Variants in SUSD6 observed in about 807,000 individuals in gnomAD.
SUSD6 encodes sushi domain-containing protein 6.
Under a neutral mutation model 28.4 loss-of-function variants are expected in SUSD6, and 16 were observed. The observed-to-expected ratio is 0.56, with a 90% CI of 0.38 to 0.86. The LOEUF is 0.86. SUSD6 is among the 40% of genes least tolerant of loss of function. SUSD6 has a pLI of 0.00. For missense variants in SUSD6, 341 were observed against 384.2 expected (o/e 0.89, Z 0.94); for synonymous variants, 147 against 159.6 (o/e 0.92, Z 0.59).
intron 1 of SUSD6, among the ~76,000 whole-genome samples, chr14:69,628,511 A>C (rs1207935143): frequency 6.6e-6 from 1 of 152,204 alleles, no homozygotes; most frequent in Non-Finnish European, 1.5e-5. Context: ...TATCCCAGAA[A>C]AGAAAGAAGA....
chr14:69,695,357 T>C lies in SUSD6; in HGVS notation c.122-8038T>C, dbSNP rs574839130. On this transcript the variant is annotated intron_variant, in intron 2 of 5. Coordinates refer to ENST00000342745, the MANE Select transcript of SUSD6 (RefSeq NM_014734.4). ...GAATTTCTGCATGGACAGGATGATC[T>C]CTAGCCCCTCACACCTTGTGCTGTA... Among the ~76,000 whole-genome samples, 3 of 152,336 alleles carry C rather than the reference T, an allele frequency of 2.0e-5. No individual in the cohort carries two copies. The East Asian group carries it at 5.8e-4, about 29-fold the overall frequency.
At chr14:69,707,500 G>A (rs542837243) in intron 4 of SUSD6, among the ~76,000 whole-genome samples, 15 of 152,298 alleles carry the variant, frequency 9.8e-5, no homozygotes, top group African/African-American at 2.9e-4. Context: ...AGTGGCTCAC[G>A]CCTGTAATCC....
At chr14:69,666,922 A>G (rs1885750766) in intron 2 of SUSD6, among the ~76,000 whole-genome samples, 1 of 152,206 alleles carries the variant, frequency 6.6e-6, no homozygotes, top group Non-Finnish European at 1.5e-5. Flanking sequence ...ACAGGGCTAT[A>G]AAATAATTCT....
At chr14:69,705,416 G>A (rs1886374443) in intron 4 of SUSD6, among the ~76,000 whole-genome samples, 1 of 152,154 alleles carries the variant, frequency 6.6e-6, no homozygotes. Flanking sequence ...TTCCAGCAGC[G>A]TCAGGATCAT....
chr14:69,708,155 T>G (rs995736810), intron 4 of SUSD6, among the ~76,000 whole-genome samples: 1 of 152,268 alleles, frequency 6.6e-6, no homozygotes, highest in Non-Finnish European at 1.5e-5. Context: ...CACACTTCCC[T>G]GTTTTTTAAC....
intron 1 of SUSD6, among the ~76,000 whole-genome samples, chr14:69,636,265 A>G (rs1885264581): frequency 6.6e-6 from 1 of 152,238 alleles, no homozygotes; most frequent in Admixed American, 6.5e-5. Context: ...TTGAAGGCAT[A>G]GACGGAGGTG....
chr14:69,681,528 TGTG>T lies in SUSD6; in HGVS notation c.122-21862_122-21860del, dbSNP rs1195907629. The stretch of plus-strand genomic sequence containing the variant: ...CGTAAGTGGCCTGCAGTAGGAGGGT[TGTG>T]GTGGGCCAGAGAAGGGGACGGCCCC... On this transcript the variant is annotated intron_variant, in intron 2 of 5. Transcript: ENST00000342745. Among the ~76,000 whole-genome samples the T allele has an allele frequency of 3.3e-5, 5 of 152,238 alleles. No individual in the cohort carries two copies. In the East Asian group the frequency reaches 9.6e-4, roughly 29 times the overall value.
At chr14:69,626,509 G>A (rs980179905) in intron 1 of SUSD6, among the ~76,000 whole-genome samples, 4 of 152,106 alleles carry the variant, frequency 2.6e-5, no homozygotes, top group African/African-American at 9.7e-5. Flanking sequence ...GTTTAATGGT[G>A]GCTGGCAAAC....
intron 4 of SUSD6, among the ~76,000 whole-genome samples, chr14:69,706,671 G>A (rs1307174709): frequency 6.6e-6 from 1 of 152,100 alleles, no homozygotes; most frequent in Non-Finnish European, 1.5e-5. Context: ...CACATTGCCA[G>A]GCTGGTCTTG....
chr14:69,677,887 A>G (rs1885937994), intron 2 of SUSD6, among the ~76,000 whole-genome samples: 1 of 152,240 alleles, frequency 6.6e-6, no homozygotes, highest in African/African-American at 2.4e-5. Flanking sequence ...ACTTATAAAC[A>G]TGTAATGTGT....
At chr14:69,669,062 C>CTTTTTTT (rs58962166) in intron 2 of SUSD6, among the ~76,000 whole-genome samples, 5 of 78,002 alleles carry the variant, frequency 6.4e-5, no homozygotes, top group East Asian at 3.5e-4. Flanking sequence ...CTTTTCTTTT[C>CTTTTTTT]TTTTTTTTTT....
intron 2 of SUSD6, among the ~76,000 whole-genome samples, chr14:69,690,080 A>G (rs1886132542): frequency 6.6e-6 from 1 of 152,250 alleles, no homozygotes; most frequent in African/African-American, 2.4e-5. Flanking sequence ...GTTATCTACC[A>G]ACATGCAGTG....
At chr14:69,668,020 GA>G in intron 2 of SUSD6, among the ~76,000 whole-genome samples, 1 of 152,194 alleles carries the variant, frequency 6.6e-6, no homozygotes, top group East Asian at 1.9e-4. Context: ...GGATGATCCA[GA>G]ATCATGGCTT....
intron 2 of SUSD6, among the ~76,000 whole-genome samples, chr14:69,672,362 C>A (rs111404569): frequency 5.1e-4 from 77 of 152,084 alleles, no homozygotes; most frequent in African/African-American, 1.9e-3. Flanking sequence ...CTGTCATAGT[C>A]AGGATTTTGA....
chr14:69,689,791 G>A (rs907698429), intron 2 of SUSD6, among the ~76,000 whole-genome samples: 1 of 152,148 alleles, frequency 6.6e-6, no homozygotes, highest in African/African-American at 2.4e-5. Flanking sequence ...AAGCCCTCCC[G>A]AGTAGCTGGA....
At chr14:69,625,728 C>T (rs1885104887) in intron 1 of SUSD6, among the ~76,000 whole-genome samples, 1 of 152,216 alleles carries the variant, frequency 6.6e-6, no homozygotes. Flanking sequence ...TTTCCTCTCT[C>T]CGCCTCCTGG....
Position 69,711,079 on chromosome 14 carries a change from A to C in SUSD6, c.*100A>C. On this transcript the variant is annotated 3_prime_UTR_variant, in exon 6 of 6. Coordinates refer to ENST00000342745, the MANE Select transcript of SUSD6 (RefSeq NM_014734.4). The stretch of plus-strand genomic sequence containing the variant: ...TGTACTCTCCAGCCACCTTACCTGG[A>C]TACCTGAGCTGCCACCTGTGTATCT... 1 of 1,196,580 alleles carries C rather than the reference A, an allele frequency of 8.4e-7. No homozygotes were observed. Among genetic ancestry groups the C allele is most frequent in the Non-Finnish European group, 1.2e-6 (1 of 803,856 alleles). The allele number at this position is 1,196,580 out of a possible 1,614,324, so 74.1% of individuals were successfully genotyped here. A position where few individuals can be genotyped will look rare whatever the true frequency, so the allele number is the denominator to read the frequency against.
intron 1 of SUSD6, among the ~76,000 whole-genome samples, chr14:69,618,334 A>G (rs1185432418): frequency 6.6e-6 from 1 of 152,242 alleles, no homozygotes; most frequent in Non-Finnish European, 1.5e-5. Context: ...CTGATTATGT[A>G]TATACAAATA....
At chr14:69,686,873 A>G (rs2139634338) in intron 2 of SUSD6, among the ~76,000 whole-genome samples, 1 of 152,328 alleles carries the variant, frequency 6.6e-6, no homozygotes, top group Middle Eastern at 3.4e-3. Flanking sequence ...TCATTGACCT[A>G]GTCTCTTCAT....
Sources: gnomAD v4.1 joint callset for allele counts (sites outside exome capture counted in the v4.1 genomes callset) on GRCh38, gnomAD v4.1.1 for gene constraint, MANE v1.5 for transcripts, NCBI Gene and HGNC (gene_info 2026-07-23, HGNC 2026-07-21) for gene names.